TMEM165: variants seen among roughly 807,000 people sequenced by gnomAD.
The protein encoded by TMEM165 is putative divalent cation/proton antiporter TMEM165.
A neutral mutation model predicts 30.0 loss-of-function variants in TMEM165; 19 were observed. That is an observed-to-expected ratio of 0.63 (90% confidence interval 0.44 to 0.93). TMEM165 has a LOEUF of 0.93. Among genes scored for constraint, TMEM165 ranks in the 40% least tolerant of loss-of-function variants. The pLI is 0.00. For missense variants in TMEM165, 340 were observed against 417.0 expected, an observed-to-expected ratio of 0.82 and a Z score of 1.61; for synonymous variants, 168 against 162.9, an observed-to-expected ratio of 1.03 and a Z score of -0.24.
chr4:55,406,140 T>G (rs1721257494), intron 1 of TMEM165, among the ~76,000 whole-genome samples: 1 of 152,220 alleles, frequency 6.6e-6, no homozygotes, highest in Non-Finnish European at 1.5e-5. Context: ...AGCTATTAAC[T>G]TCCCATACTT....
At chr4:55,400,015 T>C (rs1008923470) in intron 1 of TMEM165, among the ~76,000 whole-genome samples, 2 of 141,322 alleles carry the variant, frequency 1.4e-5, no homozygotes, top group African/African-American at 5.1e-5. Context: ...TTTTCTTCCT[T>C]TTTTTTTTTT....
rs771840454 is a variant in TMEM165, at chr4:55,424,651, T to A, written c.898+8T>A. 14 of 1,527,914 alleles carry A rather than the reference T, an allele frequency of 9.2e-6. No individual in the cohort carries two copies. The highest frequency in any genetic ancestry group is 1.2e-5 in the Non-Finnish European group (13 of 1,101,376). The allele number at this position is 1,527,914 out of a possible 1,614,324, so 94.6% of individuals were successfully genotyped here. ...AAATCTCTGTCAGAACTGGTAAGTC[T>A]TGAAAATTACAAATCAGATAACATT... is the stretch of plus-strand genomic sequence containing the variant. On this transcript the variant is annotated splice_region_variant and intron_variant, in intron 5 of 5. Coordinates refer to ENST00000381334, the MANE Select transcript of TMEM165 (RefSeq NM_018475.5).
chr4:55,410,760 T>C (rs999274547), intron 1 of TMEM165, among the ~76,000 whole-genome samples: 1 of 152,192 alleles, frequency 6.6e-6, no homozygotes, highest in African/African-American at 2.4e-5. Flanking sequence ...CATACCTGGG[T>C]CTTTCATGCA....
At chr4:55,443,292 T>C (rs1048781174) in intron 3 of TMEM165, among the ~76,000 whole-genome samples, 11 of 151,974 alleles carry the variant, frequency 7.2e-5, no homozygotes, top group Admixed American at 7.2e-4. Context: ...CAGGCCAACA[T>C]GGTGAAACCC....
downstream of TMEM165, chr4:55,428,861 CAT>C (rs1722347439): frequency 2.0e-5 from 3 of 148,772 alleles, no homozygotes; most frequent in South Asian, 6.3e-4. Flanking sequence ...TCAATCTTTA[CAT>C]AGAGTGAATA....
rs144996656 is a variant in TMEM165, at chr4:55,407,291, C to T, written c.208-4323C>T. On this transcript the variant is annotated intron_variant, in intron 1 of 5. Transcript: ENST00000381334. Reference sequence around the variant, plus strand: ...GGTTAGCAAAAGCCTGTCATGCTTTCGAGCTGCACTGCCCAGCACTGTAAC... The same window carrying T: ...GGTTAGCAAAAGCCTGTCATGCTTTTGAGCTGCACTGCCCAGCACTGTAAC... Among the ~76,000 whole-genome samples, 1,034 of 152,228 alleles carry T rather than the reference C, an allele frequency of 6.8e-3. 6 individuals are homozygous for T. The highest frequency in any genetic ancestry group is 0.012 in the Non-Finnish European group (814 of 68,016).
chr4:55,452,551 T>C (rs1429813606), exon 4 of TMEM165: 2 of 156,930 alleles, frequency 1.3e-5, no homozygotes, highest in South Asian at 1.9e-4. Context: ...TGTTGTTTTA[T>C]ATCACTAAAT....
chr4:55,398,519 G>A (rs569861531), intron 1 of TMEM165, among the ~76,000 whole-genome samples: 1 of 152,326 alleles, frequency 6.6e-6, no homozygotes, highest in Admixed American at 6.5e-5. Context: ...ATTCACTAAT[G>A]GATTTTAATG....
At chr4:55,417,351 C>A in intron 3 of TMEM165, 104 bp downstream of exon 3, 1 of 1,146,734 alleles carries the variant, frequency 8.7e-7, no homozygotes. Context: ...TGCGGGGCTA[C>A]ACAAAAATAG....
At chr4:55,438,168 TACAA>T in intron 3 of TMEM165, 6 of 1,326,558 alleles carry the variant, frequency 4.5e-6, no homozygotes, top group Non-Finnish European at 6.4e-6. Context: ...ATTTAAACTG[TACAA>T]TAAGCTTTTG....
intron 3 of TMEM165, chr4:55,438,354 C>A (rs563950782): frequency 6.2e-7 from 1 of 1,613,816 alleles, no homozygotes; most frequent in Non-Finnish European, 8.5e-7. Context: ...GCTGCTGCTC[C>A]TGGGAGCTCT....
chr4:55,400,294 A>AT (rs1560385964), intron 1 of TMEM165, among the ~76,000 whole-genome samples: 1 of 99,962 alleles, frequency 1.0e-5, no homozygotes, highest in African/African-American at 5.3e-5. Context: ...TATATTATAT[A>AT]TAATATTATA....
intron 1 of TMEM165, among the ~76,000 whole-genome samples, chr4:55,400,131 C>T (rs58176292): frequency 0.25 from 33,854 of 134,284 alleles, 4,529 homozygotes; most frequent in South Asian, 0.38. Context: ...AGGCATGAGC[C>T]ATCATGCCTG....
At chr4:55,396,556 G>C (rs889401178) in intron 1 of TMEM165, among the ~76,000 whole-genome samples, 160 bp downstream of exon 1, 1 of 152,206 alleles carries the variant, frequency 6.6e-6, no homozygotes, top group Admixed American at 6.5e-5. Context: ...GCTGTTTTCC[G>C]GTGAGGCCTG....
intron 5 of TMEM165, among the ~76,000 whole-genome samples, chr4:55,424,999 T>C (rs890411332): frequency 2.0e-5 from 3 of 152,374 alleles, no homozygotes; most frequent in African/African-American, 7.2e-5. Flanking sequence ...GAATATGTCC[T>C]GTGAAGCCAC....
At chr4:55,406,201 C>T (rs1209870777) in intron 1 of TMEM165, among the ~76,000 whole-genome samples, 1 of 152,176 alleles carries the variant, frequency 6.6e-6, no homozygotes, top group Non-Finnish European at 1.5e-5. Flanking sequence ...TTGGACCTGC[C>T]TGAAGTCAGT....
At position 55,438,161 on chromosome 4, in the gene TMEM165, T is replaced by C; in HGVS notation, c.408+13518T>C. On this transcript the variant is annotated intron_variant, in intron 3 of 3. Transcript: ENST00000608091. ...CAAGCTTTCTATCTTTGTAGAGATT[T>C]AAACTGTACAATAAGCTTTTGTGAA... 3 of 1,274,564 alleles carry C rather than the reference T, an allele frequency of 2.4e-6. No homozygotes were observed. The East Asian group carries it at 7.1e-5, about 30-fold the overall frequency. The allele number at this position is 1,274,564 out of a possible 1,614,324, so 79.0% of individuals were successfully genotyped here. A position where few individuals can be genotyped will look rare whatever the true frequency, so the allele number is the denominator to read the frequency against.
At chr4:55,411,522 G>A (rs1721496330) in intron 1 of TMEM165, 92 bp from the exon 2 acceptor site, 3 of 1,209,794 alleles carry the variant, frequency 2.5e-6, no homozygotes, top group Non-Finnish European at 3.5e-6. Flanking sequence ...ACCATGACAA[G>A]AAAATTTTCA....
chr4:55,453,193 G>A, exon 4 of TMEM165: 1 of 1,287,982 alleles, frequency 7.8e-7, no homozygotes, highest in Non-Finnish European at 1.1e-6. Context: ...CTGCACAGCT[G>A]TAACTATTCA....
Sources: allele counts gnomAD v4.1 joint callset (sites outside exome capture counted in the v4.1 genomes callset), GRCh38; gene constraint gnomAD v4.1.1; transcripts MANE v1.5; gene names NCBI Gene and HGNC (gene_info 2026-07-23, HGNC 2026-07-21).